HDHD5: variants seen among roughly 807,000 people sequenced by gnomAD.
The protein encoded by HDHD5 is haloacid dehalogenase-like hydrolase domain-containing 5.
In HDHD5, 34 loss-of-function variants were observed where a neutral mutation model predicts 35.5. That is an observed-to-expected ratio of 0.96 (90% CI 0.73 to 1.28). The LOEUF (loss-of-function observed/expected upper bound fraction) is 1.28, where lower values mean the gene tolerates loss of function less well. HDHD5 is among the 50% of genes most tolerant of loss of function. The pLI is 0.00. For missense variants in HDHD5, 589 were observed against 560.2 expected, an observed-to-expected ratio of 1.05 and a Z score of -0.52; for synonymous variants, 248 against 240.6, an observed-to-expected ratio of 1.03 and a Z score of -0.29.
chr22:17,149,582 T>G lies in HDHD5; in HGVS notation c.290A>C (p.His97Pro). The G allele has an allele frequency of 6.2e-7, 1 of 1,612,834 alleles. No individual in the cohort carries two copies. The highest frequency in any genetic ancestry group is 8.5e-7 in the Non-Finnish European group (1 of 1,180,020). Residue 97 changes from histidine (H) to proline (P), a missense_variant, in exon 2 of 8, where the codon CAC (histidine) becomes CCC (proline). His to Pro is a moderately conservative substitution (Grantham distance 77). Coordinates refer to ENST00000336737, the MANE Select transcript of HDHD5 (RefSeq NM_033070.3). The part of the protein sequence containing the change: ...FVTNAGNILQ[H>P]SKAQELSALL... Reference sequence around the variant, plus strand: ...GGCTGACAGCTCCTGGGCTTTGCTGTGTTGTAAGATGTTCCCAGCATTTGT... The same window carrying G: ...GGCTGACAGCTCCTGGGCTTTGCTGGGTTGTAAGATGTTCCCAGCATTTGT...
chr22:17,139,473 G>A (rs1216685755), intron 6 of HDHD5, among the ~76,000 whole-genome samples: 3 of 151,738 alleles, frequency 2.0e-5, no homozygotes, highest in Non-Finnish European at 2.9e-5. Context: ...GGTTGCAGCG[G>A]GCCAAGATTG....
chr22:17,159,286 G>GGC (rs1555882038), upstream of HDHD5: 1 of 1,039,838 alleles, frequency 9.6e-7, no homozygotes, highest in Non-Finnish European at 1.2e-6. Context: ...ACGGCGTGCG[G>GGC]CCCCCCCCCC....
At chr22:17,156,099 G>A (rs980449924) in intron 1 of HDHD5, among the ~76,000 whole-genome samples, 4 of 152,128 alleles carry the variant, frequency 2.6e-5, no homozygotes, top group African/African-American at 9.7e-5. Context: ...TGATAAGAGT[G>A]ACACCTCAAG....
intron 1 of HDHD5, among the ~76,000 whole-genome samples, chr22:17,152,978 T>C (rs111764618): frequency 6.6e-6 from 1 of 151,814 alleles, no homozygotes; most frequent in African/African-American, 2.4e-5. Context: ...AGGAAGCAAC[T>C]CGAGCCAACA....
At chr22:17,154,791 A>AT (rs57909191) in intron 1 of HDHD5, among the ~76,000 whole-genome samples, 37 of 143,840 alleles carry the variant, frequency 2.6e-4, no homozygotes, top group African/African-American at 2.3e-4. Flanking sequence ...TGCCTGGCTA[A>AT]TTTTTTTTTT....
At chr22:17,165,202 G>C (rs1265130652) in intron 1 of HDHD5, 2 of 776,840 alleles carry the variant, frequency 2.6e-6, no homozygotes, top group Non-Finnish European at 4.8e-6. Context: ...GAGGAAACGT[G>C]AGTTACCTGA....
chr22:17,152,255 A>G (rs1161957798), intron 1 of HDHD5, among the ~76,000 whole-genome samples: 3 of 149,486 alleles, frequency 2.0e-5, no homozygotes, highest in Non-Finnish European at 4.4e-5. Context: ...CTGCAGAGAA[A>G]AGACTGCATT....
intron 4 of HDHD5, among the ~76,000 whole-genome samples, chr22:17,144,055 C>T (rs1381599514): frequency 1.3e-5 from 2 of 152,198 alleles, no homozygotes; most frequent in Admixed American, 1.3e-4. Flanking sequence ...AGCAAGCTAC[C>T]TCTCCCGAGG....
intron 1 of HDHD5, among the ~76,000 whole-genome samples, chr22:17,156,048 CA>C (rs150384715): frequency 0.016 from 2,392 of 150,518 alleles, 63 homozygotes; most frequent in African/African-American, 0.055. Context: ...AAACCTATGA[CA>C]AAAAAAAAGA....
At chr22:17,144,536 C>G (rs2061636764) in intron 4 of HDHD5, among the ~76,000 whole-genome samples, 1 of 151,848 alleles carries the variant, frequency 6.6e-6, no homozygotes, top group Non-Finnish European at 1.5e-5. Flanking sequence ...GCCTCTGCCT[C>G]CCGAGTAGCT....
rs111369754 is a variant in HDHD5 at position 17,139,989 on chromosome 22, G to C, written c.746+1070C>G. ...AGAGACATAACCAACCAAGCCCACT[G>C]ATCTAGTGTCAGCATACCCGCCTCT... On this transcript the variant is annotated intron_variant, in intron 6 of 7. Coordinates refer to ENST00000336737, the MANE Select transcript of HDHD5 (RefSeq NM_033070.3). 3.7e-3 allele frequency among the ~76,000 whole-genome samples: 564 copies of C among 152,124 alleles called. 7 individuals are homozygous for C. The highest frequency in any genetic ancestry group is 0.012 in the African/African-American group (512 of 41,488).
intron 1 of HDHD5, among the ~76,000 whole-genome samples, chr22:17,157,113 C>CACACACACACA (rs577153294): frequency 6.9e-6 from 1 of 144,994 alleles, no homozygotes; most frequent in African/African-American, 2.6e-5. Flanking sequence ...CACACACACA[C>CACACACACACA]AAAAGAAAAA....
intron 6 of HDHD5, among the ~76,000 whole-genome samples, chr22:17,139,466 T>G (rs1043350175): frequency 6.6e-6 from 1 of 151,314 alleles, no homozygotes; most frequent in Non-Finnish European, 1.5e-5. Context: ...AGGCGGAGGT[T>G]GCAGCGGGCC....
intron 3 of HDHD5, 118 bp from the exon 4 acceptor site, chr22:17,145,235 A>G (rs963475883): frequency 6.6e-7 from 1 of 1,508,194 alleles, no homozygotes. Flanking sequence ...GCAGGAGGGC[A>G]CCAAGCAGAG....
chr22:17,159,615 G>T, upstream of HDHD5: 2 of 405,680 alleles, frequency 4.9e-6, no homozygotes, highest in Non-Finnish European at 9.7e-6. Context: ...TGGGCCGGGG[G>T]TCTCAACCTT....
At chr22:17,149,498 G>T in intron 2 of HDHD5, 44 bp downstream of exon 2, 1 of 1,587,350 alleles carries the variant, frequency 6.3e-7, no homozygotes, top group African/African-American at 1.3e-5. Context: ...GGCTCCATTA[G>T]GAACCAGGTC....
rs146462332 is a variant in HDHD5 at position 17,143,173 on chromosome 22, T to G, written c.538-42A>C. 821 of 1,597,092 alleles carry G rather than the reference T, an allele frequency of 5.1e-4. 4 individuals are homozygous for G. In the African/African-American group the frequency reaches 0.01, roughly 20 times the overall value. On this transcript the variant is annotated intron_variant, in intron 4 of 7. Transcript: ENST00000336737. ...GAGAGGCTATCAACACAAGTCGCCTTCCACTCCAGGAGAACCACAACCCCA... is the reference window on the plus strand; with the variant it reads ...GAGAGGCTATCAACACAAGTCGCCTGCCACTCCAGGAGAACCACAACCCCA...
chr22:17,164,088 G>A (rs1424299328), upstream of HDHD5, among the ~76,000 whole-genome samples: 1 of 152,180 alleles, frequency 6.6e-6, no homozygotes, highest in Non-Finnish European at 1.5e-5. Flanking sequence ...GGGCATGGTG[G>A]CACGCATCTG....
chr22:17,137,862 G>A lies in HDHD5; in HGVS notation c.*159C>T. ...TACCCAGCAGGGAAAAAGAGTCACT[G>A]TCTTCTTCCAAGTGACCAGTAATGC... On this transcript the variant is annotated 3_prime_UTR_variant, in exon 8 of 8. Transcript: ENST00000336737. 1.6e-6 allele frequency: 1 copy of A among 617,836 alleles called. No homozygotes were observed. The highest frequency in any genetic ancestry group is 2.8e-6 in the Non-Finnish European group (1 of 354,316). The allele number at this position is 617,836 out of a possible 1,614,324, so 38.3% of individuals were successfully genotyped here.
Sources: allele counts gnomAD v4.1 joint callset (sites outside exome capture counted in the v4.1 genomes callset), GRCh38; gene constraint gnomAD v4.1.1; transcripts MANE v1.5; gene names NCBI Gene and HGNC (gene_info 2026-07-23, HGNC 2026-07-21).